TUBE1: variants seen among roughly 807,000 people sequenced by gnomAD.
The protein encoded by TUBE1 is tubulin epsilon 1.
A neutral mutation model predicts 53.5 loss-of-function variants in TUBE1; 34 were observed. The observed-to-expected ratio is 0.64, with a 90% CI of 0.48 to 0.85. The LOEUF (loss-of-function observed/expected upper bound fraction) is 0.85, where lower values mean the gene tolerates loss of function less well. Ranked by LOEUF, TUBE1 falls within the 40% of genes least tolerant of loss-of-function variation. TUBE1 has a pLI of 0.00. For missense variants in TUBE1, 532 were observed against 570.5 expected (o/e 0.93, Z 0.69); for synonymous variants, 177 against 198.4 (o/e 0.89, Z 0.91).
At chr6:112,085,789 T>G in intron 3 of TUBE1, 1 of 462,220 alleles carries the variant, frequency 2.2e-6, no homozygotes, top group South Asian at 1.6e-5. Flanking sequence ...GAATTTGGTC[T>G]TTGGTTAACC....
chr6:112,077,960 A>G (rs587737393), intron 6 of TUBE1: 14 of 152,220 alleles, frequency 9.2e-5, no homozygotes, highest in African/African-American at 3.4e-4. Context: ...AAGGATAGAA[A>G]CATTTAACTC....
At chr6:112,079,123 T>A (rs587676213) in intron 6 of TUBE1, among the ~76,000 whole-genome samples, 44 of 152,166 alleles carry the variant, frequency 2.9e-4, no homozygotes, top group African/African-American at 1.0e-3. Flanking sequence ...ATGTAATAAA[T>A]GATCTAAAGG....
In TUBE1 at chr6:112,079,772, G is replaced by T; in HGVS notation, c.327-18C>A. ...CCACGGCCCTGAAAATTAGAATATG[G>T]ATTTTAAAAATTCCTTGCATTTATT... On this transcript the variant is annotated intron_variant, in intron 5 of 11. Transcript: ENST00000368662. The T allele has an allele frequency of 1.3e-6, 2 of 1,586,022 alleles. No homozygotes were observed. The highest frequency in any genetic ancestry group is 1.9e-5 in the Admixed American group (1 of 52,202).
chr6:112,076,564 G>A, intron 6 of TUBE1, 55 bp from the exon 7 acceptor site: 1 of 1,455,950 alleles, frequency 6.9e-7, no homozygotes, highest in Non-Finnish European at 9.2e-7. Context: ...ATATAATTGT[G>A]AAGAATTTGA....
intron 6 of TUBE1, chr6:112,077,843 C>CA (rs1776997838): frequency 6.6e-6 from 1 of 151,670 alleles, no homozygotes; most frequent in Non-Finnish European, 1.5e-5. Context: ...GACAAACTTA[C>CA]AAAAAAACCC....
chr6:112,077,445 T>C (rs1554316219), intron 6 of TUBE1: 2 of 151,030 alleles, frequency 1.3e-5, no homozygotes, highest in Admixed American at 6.6e-5. Context: ...ATTAGTAGGC[T>C]ATGAAACTAA....
intron 9 of TUBE1, 90 bp downstream of exon 9, chr6:112,074,620 T>C: frequency 1.0e-6 from 1 of 962,014 alleles, no homozygotes. Flanking sequence ...TACAATTAAA[T>C]AACTAGAGTT....
chr6:112,076,042 G>A lies in TUBE1; in HGVS notation c.707C>T (p.Pro236Leu), dbSNP rs782765260. 2.9e-5 allele frequency: 46 copies of A among 1,613,682 alleles called. No homozygotes were observed. The highest frequency in any genetic ancestry group is 3.8e-5 in the Non-Finnish European group (45 of 1,179,888). The change falls in exon 8 of 12, where the codon CCA (proline) becomes CTA (leucine). Residue 236 changes from proline to leucine, a missense_variant. Coordinates refer to ENST00000368662, the MANE Select transcript of TUBE1 (RefSeq NM_016262.5). ...NSGKLGTTVK[P>L]KSLVTSSSGA... ...AGAACTTGAAGTAACCAGACTCTTT[G>A]GCTTCACAGTTGTACCCAACTTTCC...
Position 112,087,428 on chromosome 6 carries a change from G to A in TUBE1, c.7C>T (p.Gln3Ter), listed in dbSNP as rs1777185634. Residue 3 changes from glutamine (Q) to a stop codon, truncating the protein, a stop_gained, in exon 1 of 12, where the codon CAG becomes TAG. Transcript: ENST00000368662. LOFTEE classifies it high-confidence loss of function. ...AGCTTACCCTGTACGACCACCGACT[G>A]GGTCATGGTGGTGCGCCGCCGGCTC... MT[Q>*]SVVVQVGQCG... is the part of the protein sequence containing the mutation. 2 of 1,550,762 alleles carry A rather than the reference G, an allele frequency of 1.3e-6. No homozygotes were observed.
intron 9 of TUBE1, among the ~76,000 whole-genome samples, chr6:112,073,565 T>C (rs1391373762): frequency 6.6e-6 from 1 of 152,178 alleles, no homozygotes; most frequent in African/African-American, 2.4e-5. Context: ...TTGCATACAC[T>C]GTGTATGTTG....
At chr6:112,086,911 A>G in intron 2 of TUBE1, 1 of 489,920 alleles carries the variant, frequency 2.0e-6, no homozygotes, top group Non-Finnish European at 3.6e-6. Context: ...CTGACTGGTT[A>G]AATTAAGGAA....
At chr6:112,074,436 T>C (rs781794083) in intron 9 of TUBE1, among the ~76,000 whole-genome samples, 7 of 152,136 alleles carry the variant, frequency 4.6e-5, no homozygotes, top group Non-Finnish European at 1.0e-4. Context: ...TAGCGACAGT[T>C]AGGATTCAAA....
At position 112,070,796 on chromosome 6, in the gene TUBE1, A is replaced by C. The variant is rs1776842469; in HGVS notation, c.*616T>G. 6.6e-6 allele frequency: 1 copy of C among 152,184 alleles called. No homozygotes were observed. Among genetic ancestry groups the C allele is most frequent in the Admixed American group, 6.5e-5 (1 of 15,284 alleles). The allele number at this position is 152,184 out of a possible 1,614,324, so 9.4% of individuals were successfully genotyped here. ...GCACTGTTGAAAAATATAGACATTT[A>C]TTATAAAATCAATTGGTTTGATAAG... On this transcript the variant is annotated 3_prime_UTR_variant, in exon 12 of 12. Coordinates refer to ENST00000368662, the MANE Select transcript of TUBE1 (RefSeq NM_016262.5).
chr6:112,076,450 C>A lies in TUBE1; in HGVS notation c.508G>T (p.Val170Leu). ...LKVLEDEFPE[V>L]YRFVTSIYPS... ...TAAATGGAAGTCACAAATCTGTATA[C>A]TTCTGGGAATTCGTCTTCAAGCACC... The change falls in exon 7 of 12, where the codon GTA becomes TTA. Residue 170 changes from valine to leucine, a missense_variant. Physicochemically the swap from Val to Leu is conservative, Grantham distance 32 (BLOSUM62 1). Transcript: ENST00000368662. The A allele has an allele frequency of 1.2e-6, 2 of 1,613,428 alleles. No homozygotes were observed. Among genetic ancestry groups the A allele is most frequent in the Non-Finnish European group, 1.7e-6 (2 of 1,179,688 alleles).
Position 112,074,739 on chromosome 6 carries a change from T to C in TUBE1, c.924A>G (p.Thr308=), listed in dbSNP as rs201725270. The C allele has an allele frequency of 6.3e-7, 1 of 1,581,120 alleles. No individual in the cohort carries two copies. The highest frequency in any genetic ancestry group is 8.6e-7 in the Non-Finnish European group (1 of 1,166,112). The change falls in exon 9 of 12, where the codon ACA becomes ACG. Residue 308 remains threonine, a synonymous_variant. Coordinates refer to ENST00000368662, the MANE Select transcript of TUBE1 (RefSeq NM_016262.5). ...YLVSSLTPLY[T]LTDVNIPPRR... is the part of the protein sequence containing the mutation. ...TAGGAGGAATGTTAACATCTGTCAG[T>C]GTATACAGAGGTGTTAGGCTTGACA...
chr6:112,076,167 A>G (rs1554316022), intron 7 of TUBE1, 55 bp from the exon 8 acceptor site: 1 of 1,518,270 alleles, frequency 6.6e-7, no homozygotes, highest in Admixed American at 2.0e-5. Context: ...GATGTAGATG[A>G]TATTCTACTA....
rs1554317526 is a variant in TUBE1 at position 112,087,311 on chromosome 6, G to A, written c.26-5C>T. On this transcript the variant is annotated splice_region_variant and splice_polypyrimidine_tract_variant and intron_variant, in intron 1 of 11. Coordinates refer to ENST00000368662, the MANE Select transcript of TUBE1 (RefSeq NM_016262.5). ...TCTGGTTTCCGCACTGGCCGACTGCGACCGGAGGAGAGGAAGGAAAGAGAA... is the reference window on the plus strand; with the variant it reads ...TCTGGTTTCCGCACTGGCCGACTGCAACCGGAGGAGAGGAAGGAAAGAGAA... The A allele has an allele frequency of 2.6e-6, 4 of 1,552,262 alleles. No individual in the cohort carries two copies. The Admixed American group carries it at 5.9e-5, about 23-fold the overall frequency.
chr6:112,086,521 G>C, intron 3 of TUBE1, 35 bp downstream of exon 3: 2 of 1,540,010 alleles, frequency 1.3e-6, no homozygotes, highest in South Asian at 2.3e-5. Context: ...GAAACTTAAA[G>C]TATCACACTG....
chr6:112,071,697 TG>T (rs1562601439), intron 11 of TUBE1, 127 bp from the exon 12 acceptor site: 1 of 988,930 alleles, frequency 1.0e-6, no homozygotes, highest in African/African-American at 1.6e-5. Context: ...AGAGAACTTG[TG>T]TCAAATTGAA....
Sources: allele counts gnomAD v4.1 joint callset (sites outside exome capture counted in the v4.1 genomes callset), GRCh38; gene constraint gnomAD v4.1.1; transcripts MANE v1.5; gene names NCBI Gene and HGNC (gene_info 2026-07-23, HGNC 2026-07-21).